Variants in NTN1 observed in about 807,000 individuals in gnomAD.
The protein encoded by NTN1 is netrin 1, also known as netrin-1.
In NTN1, 11 loss-of-function variants were observed where a neutral mutation model predicts 54.2. The ratio of observed to expected loss-of-function variants is 0.20; its 90% CI spans 0.13 to 0.34. The LOEUF is 0.34. Among genes scored for constraint, NTN1 ranks in the 10% least tolerant of loss-of-function variants. The pLI is 1.00. For synonymous variants in NTN1, 371 were observed against 382.0 expected, an observed-to-expected ratio of 0.97 and a Z score of 0.33; for missense variants, 740 against 893.1, an observed-to-expected ratio of 0.83 and a Z score of 2.18.
intron 6 of NTN1, among the ~76,000 whole-genome samples, chr17:9,235,344 T>G (rs1023817518): frequency 1.3e-5 from 2 of 152,162 alleles, no homozygotes; most frequent in Non-Finnish European, 2.9e-5. Context: ...CTGAGAGCAA[T>G]CTCATCTCCT....
At chr17:9,170,638 G>A (rs1346949708) in intron 3 of NTN1, among the ~76,000 whole-genome samples, 1 of 152,206 alleles carries the variant, frequency 6.6e-6, no homozygotes, top group East Asian at 1.9e-4. Context: ...TGGAGACCCA[G>A]CACAGAGAGG....
At chr17:9,072,057 G>A (rs1200214124) in intron 2 of NTN1, among the ~76,000 whole-genome samples, 3 of 152,170 alleles carry the variant, frequency 2.0e-5, no homozygotes, top group Non-Finnish European at 4.4e-5. Context: ...GGGAAGCCGG[G>A]GCTGGGAGTA....
intron 2 of NTN1, among the ~76,000 whole-genome samples, chr17:9,140,996 C>T (rs1306207727): frequency 1.3e-5 from 2 of 151,978 alleles, no homozygotes; most frequent in East Asian, 1.9e-4. Flanking sequence ...CCAGCTTGCA[C>T]GTGTGGGTAG....
intron 2 of NTN1, among the ~76,000 whole-genome samples, chr17:9,025,817 T>C (rs1206889393): frequency 6.6e-6 from 1 of 152,232 alleles, no homozygotes; most frequent in African/African-American, 2.4e-5. Context: ...AATGAATTAG[T>C]ATTTGACAGG....
Position 9,031,979 on chromosome 17 carries a change from T to TAA in NTN1, c.1018+8599_1018+8600dup, listed in dbSNP as rs377663794. ...CTCAAAAACAAACAAAAAAAGAAGA[T>TAA]AAAAAAAAAAAAGAAAAGAAATGTA... is the stretch of plus-strand genomic sequence containing the variant. On this transcript the variant is annotated intron_variant, in intron 2 of 6. Transcript: ENST00000173229. Among the ~76,000 whole-genome samples, 533 of 139,968 alleles carry TAA rather than the reference T, an allele frequency of 3.8e-3. 3 individuals carry two copies. The highest frequency in any genetic ancestry group is 0.011 in the African/African-American group (434 of 38,494). The allele number at this position is 139,968 out of a possible 152,430, so 91.8% of individuals were successfully genotyped here.
intron 2 of NTN1, among the ~76,000 whole-genome samples, chr17:9,089,922 C>G (rs1018558004): frequency 2.0e-5 from 3 of 152,050 alleles, no homozygotes; most frequent in Admixed American, 2.0e-4. Context: ...TATCTGGACA[C>G]AGTAGGGTAG....
intron 2 of NTN1, among the ~76,000 whole-genome samples, chr17:9,071,425 C>G (rs2092031638): frequency 6.6e-6 from 1 of 152,008 alleles, no homozygotes; most frequent in Non-Finnish European, 1.5e-5. Flanking sequence ...CTCTGTAATC[C>G]CTCCATTCTA....
chr17:9,081,967 G>C (rs1170060479), intron 2 of NTN1, among the ~76,000 whole-genome samples: 1 of 152,210 alleles, frequency 6.6e-6, no homozygotes, highest in East Asian at 1.9e-4. Context: ...GTTGTCTCTT[G>C]CACAAACCTT....
intron 5 of NTN1, among the ~76,000 whole-genome samples, chr17:9,196,916 C>T (rs1032882660): frequency 5.9e-5 from 9 of 152,108 alleles, no homozygotes; most frequent in Non-Finnish European, 1.0e-4. Flanking sequence ...CACTGGCTCA[C>T]GAGGGCCGAC....
intron 2 of NTN1, among the ~76,000 whole-genome samples, chr17:9,088,612 C>G (rs1204595903): frequency 1.3e-5 from 2 of 152,272 alleles, no homozygotes; most frequent in African/African-American, 4.8e-5. Flanking sequence ...CATTTGAGGA[C>G]TGAGACCCCA....
At chr17:9,168,882 G>C (rs56664733) in intron 3 of NTN1, among the ~76,000 whole-genome samples, 6,470 of 152,254 alleles carry the variant, frequency 0.042, 546 homozygotes, top group East Asian at 0.36. Context: ...TCTGAGGCAG[G>C]AAGGTACTTA....
intron 3 of NTN1, among the ~76,000 whole-genome samples, chr17:9,167,981 A>G (rs996797519): frequency 6.6e-6 from 1 of 152,106 alleles, no homozygotes; most frequent in African/African-American, 2.4e-5. Context: ...GGTTTAATTA[A>G]TGGGTCCAGA....
chr17:9,101,988 G>GT (rs1326545764), intron 2 of NTN1, among the ~76,000 whole-genome samples: 1 of 152,266 alleles, frequency 6.6e-6, no homozygotes, highest in Non-Finnish European at 1.5e-5. Flanking sequence ...GAGAGAGACT[G>GT]TATCAACAAA....
intron 2 of NTN1, among the ~76,000 whole-genome samples, chr17:9,142,762 A>G (rs2092302004): frequency 6.6e-6 from 1 of 152,190 alleles, no homozygotes; most frequent in Admixed American, 6.5e-5. Flanking sequence ...TGGAGCTTAC[A>G]TTCTAGATGA....
intron 5 of NTN1, among the ~76,000 whole-genome samples, chr17:9,202,196 G>A (rs191501346): frequency 1.8e-4 from 27 of 151,420 alleles, no homozygotes; most frequent in South Asian, 4.2e-4. Flanking sequence ...ATCTGAGATC[G>A]CACCATTGAA....
the NTN1 span, among the ~76,000 whole-genome samples, chr17:9,012,409 G>T: frequency 6.6e-6 from 1 of 152,136 alleles, no homozygotes; most frequent in African/African-American, 2.4e-5. Context: ...TACTTGGGAG[G>T]CTGAGGCAGG....
chr17:9,086,869 C>T (rs2142229176), intron 2 of NTN1, among the ~76,000 whole-genome samples: 1 of 152,170 alleles, frequency 6.6e-6, no homozygotes, highest in African/African-American at 2.4e-5. Flanking sequence ...CATCACTTCC[C>T]ACCTCCTTCT....
chr17:9,210,122 CCT>C (rs1905061420), intron 5 of NTN1, among the ~76,000 whole-genome samples: 1 of 152,118 alleles, frequency 6.6e-6, no homozygotes, highest in Non-Finnish European at 1.5e-5. Context: ...AGCTGCTGCC[CCT>C]GTCCTTCCGT....
At chr17:9,063,267 T>C in intron 2 of NTN1, among the ~76,000 whole-genome samples, 1 of 151,940 alleles carries the variant, frequency 6.6e-6, no homozygotes, top group East Asian at 1.9e-4. Context: ...CAGCTAATTT[T>C]TTGTATTTTT....
Sources: allele counts gnomAD v4.1 joint callset (sites outside exome capture counted in the v4.1 genomes callset), GRCh38; gene constraint gnomAD v4.1.1; transcripts MANE v1.5; gene names NCBI Gene and HGNC (gene_info 2026-07-23, HGNC 2026-07-21).